NR2C1: variants seen among roughly 807,000 people sequenced by gnomAD.
The protein encoded by NR2C1 is TR2 nuclear hormone receptor.
Under a neutral mutation model 74.8 loss-of-function variants are expected in NR2C1, and 33 were observed. That is an observed-to-expected ratio of 0.44 (90% CI 0.33 to 0.59). The LOEUF (loss-of-function observed/expected upper bound fraction) is 0.59. Among genes scored for constraint, NR2C1 ranks in the 20% least tolerant of loss-of-function variants. NR2C1 has a pLI of 0.02. For synonymous variants in NR2C1, 225 were observed against 240.6 expected (o/e 0.94, Z 0.60); for missense variants, 568 against 715.6 (o/e 0.79, Z 2.35).
At chr12:95,055,272 T>G (rs1358509516) in intron 7 of NR2C1, among the ~76,000 whole-genome samples, 1 of 152,210 alleles carries the variant, frequency 6.6e-6, no homozygotes, top group African/African-American at 2.4e-5. Flanking sequence ...GAGAGCACAG[T>G]GTCTGGGCAG....
At chr12:95,044,718 A>T (rs1361900042) in intron 9 of NR2C1, among the ~76,000 whole-genome samples, 6 of 152,038 alleles carry the variant, frequency 3.9e-5, no homozygotes, top group African/African-American at 1.2e-4. Context: ...GTCTGTATTT[A>T]AAAAAATACA....
intron 13 of NR2C1, 69 bp from the exon 14 acceptor site, chr12:95,022,472 T>C (rs1868873253): frequency 7.9e-7 from 1 of 1,266,304 alleles, no homozygotes; most frequent in Non-Finnish European, 1.1e-6. Context: ...TAGAAAAATA[T>C]GAGTAATTTC....
At chr12:95,038,851 T>C (rs1871176051) in intron 10 of NR2C1, among the ~76,000 whole-genome samples, 1 of 152,190 alleles carries the variant, frequency 6.6e-6, no homozygotes, top group Non-Finnish European at 1.5e-5. Flanking sequence ...CTATTGATCA[T>C]TTCAGTAATT....
intron 9 of NR2C1, among the ~76,000 whole-genome samples, chr12:95,043,040 G>A (rs1341757394): frequency 6.6e-6 from 1 of 151,460 alleles, no homozygotes; most frequent in East Asian, 2.0e-4. Context: ...AGGTGGAAGA[G>A]CTGCTTGAAC....
chr12:95,040,678 T>A, intron 9 of NR2C1, 81 bp from the exon 10 acceptor site: 1 of 1,327,126 alleles, frequency 7.5e-7, no homozygotes, highest in Non-Finnish European at 1.0e-6. Flanking sequence ...AGTTTAAACG[T>A]AACACATCAA....
chr12:95,034,609 G>A (rs901180641), intron 10 of NR2C1, among the ~76,000 whole-genome samples: 3 of 152,176 alleles, frequency 2.0e-5, no homozygotes, highest in Non-Finnish European at 4.4e-5. Context: ...GTACAGTCAT[G>A]CATAGCACAA....
Position 95,058,335 on chromosome 12 carries a change from A to G in NR2C1, c.519T>C (p.Cys173=). 2 of 1,612,636 alleles carry G rather than the reference A, an allele frequency of 1.2e-6. No homozygotes were observed. The highest frequency in any genetic ancestry group is 1.7e-6 in the Non-Finnish European group (2 of 1,179,746). ...AGTCTTGCTTCATTCCAAACGCAATACATCTCTGTAACCTGCAGTATTGAC... is the reference window on the plus strand; with the variant it reads ...AGTCTTGCTTCATTCCAAACGCAATGCATCTCTGTAACCTGCAGTATTGAC... ...NRCQYCRLQR[C]IAFGMKQDSV... Residue 173 remains cysteine (C), a synonymous_variant, in exon 5 of 14, where the codon TGT becomes TGC. Transcript: ENST00000333003.
At chr12:95,036,457 T>C (rs1346552000) in intron 10 of NR2C1, among the ~76,000 whole-genome samples, 1 of 152,076 alleles carries the variant, frequency 6.6e-6, no homozygotes, top group Non-Finnish European at 1.5e-5. Flanking sequence ...GTTAATTTCT[T>C]TTACAAATAG....
intron 11 of NR2C1, 61 bp from the exon 12 acceptor site, chr12:95,028,585 CCAA>C: frequency 8.4e-7 from 1 of 1,196,778 alleles, no homozygotes; most frequent in South Asian, 1.3e-5. Context: ...CTACTTTCAT[CCAA>C]TATATTTCCC....
Position 95,062,714 on chromosome 12 carries a change from G to C in NR2C1, c.79C>G (p.Gln27Glu). The change falls in exon 3 of 14, where the codon CAG becomes GAG. Residue 27 changes from glutamine (Q) to glutamate (E), a missense_variant. Gln to Glu is a conservative substitution (Grantham distance 29). Around this residue, in one of 6 missense-constraint regions of NR2C1, gnomAD observed 128 missense variants for 118.9 expected, o/e 1.08. Coordinates refer to ENST00000333003, the MANE Select transcript of NR2C1 (RefSeq NM_003297.4). ...GEIVTEQQTG[Q>E]KIQIVTALDH... ...AGTGCTGTCACAATCTGGATTTTCT[G>C]CCCAGTTTGCTGCTCTGTAACAATC... The C allele has an allele frequency of 6.2e-7, 1 of 1,613,708 alleles. No individual in the cohort carries two copies.
intron 13 of NR2C1, among the ~76,000 whole-genome samples, chr12:95,023,358 TG>T (rs2136086183): frequency 6.6e-6 from 1 of 152,260 alleles, no homozygotes; most frequent in Admixed American, 6.5e-5. Context: ...CACTCCAGCC[TG>T]GGTGACAGAC....
chr12:95,057,827 T>C lies in NR2C1; in HGVS notation c.596A>G (p.Asn199Ser), dbSNP rs907254147. The change falls in exon 6 of 14, where the codon AAC (asparagine) becomes AGC (serine). Residue 199 changes from asparagine to serine, a missense_variant. Physicochemically the swap from Asn to Ser is conservative, Grantham distance 46. This residue lies in a region of NR2C1 where 239 missense variants were observed against 232.3 expected (regional missense o/e 1.03). Coordinates refer to ENST00000333003, the MANE Select transcript of NR2C1 (RefSeq NM_003297.4). ...GATTTTTTCTGTTGAAGCGGCACAG[T>C]TGGAAGATTTTTCTCGTGATACTTC... ...PIEVSREKSS[N>S]CAASTEKIYI... The C allele has an allele frequency of 1.5e-5, 25 of 1,613,946 alleles. No homozygotes were observed. The highest frequency in any genetic ancestry group is 8.0e-5 in the African/African-American group (6 of 74,944).
intron 9 of NR2C1, among the ~76,000 whole-genome samples, chr12:95,045,280 C>T (rs1408436845): frequency 1.3e-5 from 2 of 152,106 alleles, no homozygotes; most frequent in South Asian, 2.1e-4. Flanking sequence ...CCATGAGCAG[C>T]TGGGTCAGAA....
At chr12:95,053,905 G>C (rs1027711698) in intron 7 of NR2C1, among the ~76,000 whole-genome samples, 2 of 151,892 alleles carry the variant, frequency 1.3e-5, no homozygotes, top group Admixed American at 6.6e-5. Flanking sequence ...GGACAGTCTC[G>C]ATCTCCTGAC....
At chr12:95,060,117 T>G in intron 3 of NR2C1, 133 bp from the exon 4 acceptor site, 1 of 721,596 alleles carries the variant, frequency 1.4e-6, no homozygotes, top group Non-Finnish European at 2.2e-6. Context: ...CAAGTTATTT[T>G]TAAACTTTGT....
intron 10 of NR2C1, among the ~76,000 whole-genome samples, chr12:95,036,672 G>A (rs1870888551): frequency 6.6e-6 from 1 of 151,946 alleles, no homozygotes; most frequent in African/African-American, 2.4e-5. Flanking sequence ...CACCATGCCT[G>A]GCTAACTTTT....
Position 95,021,505 on chromosome 12 carries a change from A to G in NR2C1, c.*724T>C, listed in dbSNP as rs1176289496. ...AAACGAAAACAAAAACAAAAACACG[A>G]GCAGTAAGCTAAAAATATTAAAATA... On this transcript the variant is annotated 3_prime_UTR_variant, in exon 14 of 14. Transcript: ENST00000333003. 6.6e-6 allele frequency: 1 copy of G among 152,104 alleles called. No individual in the cohort carries two copies. Among genetic ancestry groups the G allele is most frequent in the Non-Finnish European group, 1.5e-5 (1 of 68,014 alleles). The allele number at this position is 152,104 out of a possible 1,614,324, so 9.4% of individuals were successfully genotyped here.
intron 10 of NR2C1, among the ~76,000 whole-genome samples, chr12:95,037,921 C>T (rs1484407338): frequency 6.8e-6 from 1 of 147,272 alleles, no homozygotes; most frequent in Non-Finnish European, 1.5e-5. Flanking sequence ...AAAAAGGAAC[C>T]TAATGCCAGT....
At chr12:95,048,810 G>A (rs1203411257) in intron 9 of NR2C1, among the ~76,000 whole-genome samples, 1 of 151,910 alleles carries the variant, frequency 6.6e-6, no homozygotes, top group Non-Finnish European at 1.5e-5. Context: ...TTTTAGTAGA[G>A]ACAGGGTTTC....
Sources: gnomAD v4.1 joint callset for allele counts (sites outside exome capture counted in the v4.1 genomes callset) on GRCh38, gnomAD v4.1.1 for gene constraint, gnomAD v4.1.1 regional missense constraint, MANE v1.5 for transcripts, NCBI Gene and HGNC (gene_info 2026-07-23, HGNC 2026-07-21) for gene names.